PCDHGB7: variants seen among roughly 807,000 people sequenced by gnomAD.
PCDHGB7 encodes the protein protocadherin gamma subfamily B, 7.
In PCDHGB7, 37 loss-of-function variants were observed where a neutral mutation model predicts 61.4. The ratio of observed to expected loss-of-function variants is 0.60; its 90% CI spans 0.46 to 0.79. The LOEUF is 0.79. Among genes scored for constraint, PCDHGB7 ranks in the 30% least tolerant of loss-of-function variants. The pLI is 0.00. For missense variants in PCDHGB7, 1,166 were observed against 1,202.5 expected, an observed-to-expected ratio of 0.97 and a Z score of 0.45; for synonymous variants, 464 against 503.5, an observed-to-expected ratio of 0.92 and a Z score of 1.05.
At chr5:141,466,019 G>C (rs1466918487) in intron 1 of PCDHGB7, among the ~76,000 whole-genome samples, 1 of 152,062 alleles carries the variant, frequency 6.6e-6, no homozygotes, top group African/African-American at 2.4e-5. Flanking sequence ...CTACTCGGGA[G>C]GGTGAGGCAG....
In PCDHGB7 at chr5:141,489,456, G is replaced by A. The variant is rs1468723020; in HGVS notation, c.2416-5351G>A. The A allele has an allele frequency of 1.2e-6, 2 of 1,614,050 alleles. No homozygotes were observed. Among genetic ancestry groups the A allele is most frequent in the Non-Finnish European group, 1.7e-6 (2 of 1,180,016 alleles). ...TGCAATTGGGCTCTGAGGAGAATGG[G>A]CGCTATTTTTCCCTGAGCTTGATGA... On this transcript the variant is annotated intron_variant, in intron 1 of 3. Transcript: ENST00000398594. This position sits in a 1 kb window ranked among gnomAD's most constrained non-coding sequence, Gnocchi z 4.5.
intron 1 of PCDHGB7, chr5:141,475,816 C>A (rs1051857446): frequency 1.5e-5 from 5 of 342,872 alleles, no homozygotes; most frequent in Admixed American, 9.0e-5. Context: ...AGTGAAGTTC[C>A]TGGCGCTAGC....
chr5:141,499,582 T>C (rs952280239), intron 2 of PCDHGB7, among the ~76,000 whole-genome samples: 7 of 152,164 alleles, frequency 4.6e-5, no homozygotes, highest in African/African-American at 7.2e-5. Flanking sequence ...TAATGCCTTA[T>C]CTTGTTTCAC....
In PCDHGB7 at chr5:141,433,032, C is replaced by T. The variant is rs751061646; in HGVS notation, c.2415+12758C>T. The T allele has an allele frequency of 2.5e-6, 4 of 1,614,188 alleles. No homozygotes were observed. Among genetic ancestry groups the T allele is most frequent in the African/African-American group, 2.7e-5 (2 of 75,058 alleles). On this transcript the variant is annotated intron_variant, in intron 1 of 3. Transcript: ENST00000398594. ...CTGCAGACCTATTCCCACGAGGTTTCCCTCACCACGGACTCGCGGAAGAGT... is the reference window on the plus strand; with the variant it reads ...CTGCAGACCTATTCCCACGAGGTTTTCCTCACCACGGACTCGCGGAAGAGT...
rs1591227595 is a variant in PCDHGB7 at position 141,432,858 on chromosome 5, T to C, written c.2415+12584T>C. ...TACCTGGTGGTAGCGGTGGCCGCGG[T>C]CTCCTGCGTCTTCCTGGCCTTCGTC... On this transcript the variant is annotated intron_variant, in intron 1 of 3. Coordinates refer to ENST00000398594, the MANE Select transcript of PCDHGB7 (RefSeq NM_018927.4). This position sits in a 1 kb window ranked among gnomAD's most constrained non-coding sequence, Gnocchi z 6.0. The C allele has an allele frequency of 1.2e-6, 2 of 1,614,140 alleles. No individual in the cohort carries two copies. Among genetic ancestry groups the C allele is most frequent in the Non-Finnish European group, 8.5e-7 (1 of 1,179,996 alleles).
At chr5:141,483,104 A>G (rs2099577128) in intron 1 of PCDHGB7, among the ~76,000 whole-genome samples, 1 of 152,140 alleles carries the variant, frequency 6.6e-6, no homozygotes, top group African/African-American at 2.4e-5. Flanking sequence ...GTGTGCGTGT[A>G]AAACAGACAG....
rs1424221139 is a variant in PCDHGB7, at chr5:141,491,867, T to G, written c.2416-2940T>G. On this transcript the variant is annotated intron_variant, in intron 1 of 3. Coordinates refer to ENST00000398594, the MANE Select transcript of PCDHGB7 (RefSeq NM_018927.4). The surrounding 1 kb of genome is among the most constrained non-coding windows in gnomAD (Gnocchi z 6.9). ...TTGGACCGTTTGCGCGAAACCAGAG[T>G]GGCCGATTAAGGGATGGGGCTCCGA... 2 of 1,452,218 alleles carry G rather than the reference T, an allele frequency of 1.4e-6. No homozygotes were observed. The highest frequency in any genetic ancestry group is 1.8e-6 in the Non-Finnish European group (2 of 1,099,056). 90.0% of individuals were successfully genotyped at this position (1,452,218 alleles called of 1,614,324 possible).
In PCDHGB7 at chr5:141,493,664, G is replaced by A. The variant is rs2099749444; in HGVS notation, c.2416-1143G>A. Reference sequence around the variant, plus strand: ...TGGCCATCCCTGTGCCCTTCTCCATGGCAGCCCCAGAATGGTGCTGGTGAC... The same window carrying A: ...TGGCCATCCCTGTGCCCTTCTCCATAGCAGCCCCAGAATGGTGCTGGTGAC... On this transcript the variant is annotated intron_variant, in intron 1 of 3. Coordinates refer to ENST00000398594, the MANE Select transcript of PCDHGB7 (RefSeq NM_018927.4). This position sits in a 1 kb window ranked among gnomAD's most constrained non-coding sequence, Gnocchi z 4.3. Among the ~76,000 whole-genome samples, 1 of 152,136 alleles carries A rather than the reference G, an allele frequency of 6.6e-6. No homozygotes were observed. Among genetic ancestry groups the A allele is most frequent in the Non-Finnish European group, 1.5e-5 (1 of 68,026 alleles).
At chr5:141,421,164 A>C (rs1304650780) in intron 1 of PCDHGB7, 9 of 1,286,298 alleles carry the variant, frequency 7.0e-6, no homozygotes, top group Non-Finnish European at 9.4e-6. Context: ...GACTTCATAG[A>C]TACATAAGCC....
intron 1 of PCDHGB7, chr5:141,422,834 G>A (rs1450583869): frequency 3.1e-6 from 5 of 1,614,230 alleles, no homozygotes; most frequent in East Asian, 2.2e-5. Context: ...GTGATAGCAC[G>A]TGACAGCGGG....
Position 141,485,575 on chromosome 5 carries a change from G to C in PCDHGB7, c.2416-9232G>C, listed in dbSNP as rs1200831125. On this transcript the variant is annotated intron_variant, in intron 1 of 3. Coordinates refer to ENST00000398594, the MANE Select transcript of PCDHGB7 (RefSeq NM_018927.4). This position sits in a 1 kb window ranked among gnomAD's most constrained non-coding sequence, Gnocchi z 5.7. ...TGAATGATCACGCCCCCCGTTTTCC[G>C]CGGCAGCAGCTGGACTTGGAAATTG... 2 of 1,612,496 alleles carry C rather than the reference G, an allele frequency of 1.2e-6. No homozygotes were observed. The highest frequency in any genetic ancestry group is 2.7e-5 in the African/African-American group (2 of 74,918).
intron 1 of PCDHGB7, among the ~76,000 whole-genome samples, chr5:141,474,000 C>T (rs2099336161): frequency 6.6e-6 from 1 of 152,076 alleles, no homozygotes. Context: ...GCCCAAGGAG[C>T]TGGAAGTTAC....
chr5:141,487,380 G>A lies in PCDHGB7; in HGVS notation c.2416-7427G>A. On this transcript the variant is annotated intron_variant, in intron 1 of 3. Transcript: ENST00000398594. This position sits in a 1 kb window ranked among gnomAD's most constrained non-coding sequence, Gnocchi z 5.0. ...GCTGGCACCTGTGCCTGTCTCACCA[G>A]ATCTCGAAGGAGGGAGGGGCTTCCC... is the stretch of plus-strand genomic sequence containing the variant. The A allele has an allele frequency of 1.2e-6, 2 of 1,614,202 alleles. No individual in the cohort carries two copies. The highest frequency in any genetic ancestry group is 2.2e-5 in the South Asian group (2 of 91,078).
At chr5:141,430,581 C>A in intron 1 of PCDHGB7, 1 of 483,436 alleles carries the variant, frequency 2.1e-6, no homozygotes, top group Non-Finnish European at 3.4e-6. Context: ...GGAGATCCTG[C>A]TCGCCTTGCA....
At chr5:141,460,882 C>G (rs2098999926) in intron 1 of PCDHGB7, among the ~76,000 whole-genome samples, 1 of 149,600 alleles carries the variant, frequency 6.7e-6, no homozygotes, top group Non-Finnish European at 1.5e-5. Context: ...TTATTTCATG[C>G]CTTTTCGTGG....
chr5:141,433,408 A>ATCTATCTATCT (rs1413347413), intron 1 of PCDHGB7, among the ~76,000 whole-genome samples: 6 of 127,280 alleles, frequency 4.7e-5, no homozygotes, highest in African/African-American at 1.8e-4. Context: ...TCTATCTATT[A>ATCTATCTATCT]CTTTCTTGTA....
intron 1 of PCDHGB7, among the ~76,000 whole-genome samples, chr5:141,450,145 T>A (rs2098671113): frequency 6.6e-6 from 1 of 151,890 alleles, no homozygotes; most frequent in South Asian, 2.1e-4. Flanking sequence ...TAGCTGGGAC[T>A]ACAGGCATGT....
rs1273620361 is a variant in PCDHGB7, at chr5:141,486,809, A to G, written c.2416-7998A>G. 1 of 1,614,106 alleles carries G rather than the reference A, an allele frequency of 6.2e-7. No homozygotes were observed. The highest frequency in any genetic ancestry group is 1.3e-5 in the African/African-American group (1 of 74,936). On this transcript the variant is annotated intron_variant, in intron 1 of 3. Coordinates refer to ENST00000398594, the MANE Select transcript of PCDHGB7 (RefSeq NM_018927.4). This position sits in a 1 kb window ranked among gnomAD's most constrained non-coding sequence, Gnocchi z 5.0. ...CCGGGATCGGGGCAACCCACCCCTT[A>G]GCAGCACTGTAACAGTTCGTCTATT...
chr5:141,423,335 G>T (rs781241820), intron 1 of PCDHGB7: 11 of 1,614,046 alleles, frequency 6.8e-6, no homozygotes, highest in Non-Finnish European at 9.3e-6. Context: ...GCAGTCTCCT[G>T]CATCTTCCTG....
Sources: allele counts gnomAD v4.1 joint callset (sites outside exome capture counted in the v4.1 genomes callset), GRCh38; gene constraint gnomAD v4.1.1; non-coding constraint Gnocchi (gnomAD v3.1); transcripts MANE v1.5; gene names NCBI Gene and HGNC (gene_info 2026-07-23, HGNC 2026-07-21).